The following CDON variants were observed in gnomAD, a reference collection of about 807,000 sequenced individuals.
CDON encodes the protein cell adhesion associated, oncogene regulated.
A neutral mutation model predicts 120.9 loss-of-function variants in CDON; 73 were observed. The observed-to-expected ratio is 0.60, with a 90% CI of 0.50 to 0.73. CDON has a LOEUF of 0.73. Among genes scored for constraint, CDON ranks in the 30% least tolerant of loss-of-function variants. The probability of loss-of-function intolerance (pLI) is 0.00; values close to 1 mark genes in which losing one functional copy is unlikely to be tolerated. For missense variants in CDON, 1,470 were observed against 1,587.3 expected, an observed-to-expected ratio of 0.93 and a Z score of 1.26; for synonymous variants, 566 against 573.5, an observed-to-expected ratio of 0.99 and a Z score of 0.19.
intron 11 of CDON, among the ~76,000 whole-genome samples, chr11:126,000,618 T>C (rs1946915457): frequency 1.5e-5 from 1 of 66,490 alleles, no homozygotes; most frequent in Non-Finnish European, 3.3e-5. Flanking sequence ...TGGTAAGGTT[T>C]TTTTCAGACA....
chr11:125,984,605 G>A (rs1469124094), intron 15 of CDON, among the ~76,000 whole-genome samples: 3 of 151,932 alleles, frequency 2.0e-5, no homozygotes, highest in Non-Finnish European at 4.4e-5. Flanking sequence ...GCTGAGGCAG[G>A]AGAATTGCTT....
intron 18 of CDON, among the ~76,000 whole-genome samples, chr11:125,972,902 G>A (rs1388558425): frequency 2.9e-5 from 1 of 34,200 alleles, no homozygotes; most frequent in African/African-American, 8.5e-5. Flanking sequence ...GAAGTATACT[G>A]TGGGGCAGCT....
chr11:126,006,119 G>T, intron 8 of CDON, 62 bp from the exon 9 acceptor site: 1 of 1,505,488 alleles, frequency 6.6e-7, no homozygotes, highest in East Asian at 2.3e-5. Flanking sequence ...CTTCTACCCA[G>T]TTTGTGACGT....
intron 13 of CDON, 40 bp from the exon 14 acceptor site, chr11:125,994,429 A>G (rs552408478): frequency 3.6e-6 from 4 of 1,098,942 alleles, no homozygotes; most frequent in African/African-American, 1.5e-5. Context: ...GAGAAAAATT[A>G]ATGTAACCTT....
intron 18 of CDON, among the ~76,000 whole-genome samples, chr11:125,969,210 C>T (rs1235359106): frequency 1.3e-5 from 2 of 152,196 alleles, no homozygotes; most frequent in Non-Finnish European, 2.9e-5. Context: ...GTTGGTCAGG[C>T]TGGTCTTGAA....
chr11:126,017,329 C>T lies in CDON; in HGVS notation c.687G>A (p.Gln229=), dbSNP rs1447675263. 4 of 1,614,018 alleles carry T rather than the reference C, an allele frequency of 2.5e-6. No individual in the cohort carries two copies. The highest frequency in any genetic ancestry group is 3.4e-6 in the Non-Finnish European group (4 of 1,180,018). Residue 229 remains glutamine (Q), a synonymous_variant, in exon 6 of 20, where the codon CAG becomes CAA. Transcript: ENST00000531738. ...DVHILHPTHS[Q]ALAVLSRSPV... ...GGCTACGAGAAAGAACAGCTAATGC[C>T]TGTGAATGGGTGGGGTGAAGAATGT... is the stretch of plus-strand genomic sequence containing the variant.
At chr11:126,038,545 G>T (rs984826171) in intron 1 of CDON, among the ~76,000 whole-genome samples, 1 of 151,826 alleles carries the variant, frequency 6.6e-6, no homozygotes, top group Non-Finnish European at 1.5e-5. Context: ...CCAGCTACTC[G>T]GGACGCTGAG....
intron 1 of CDON, among the ~76,000 whole-genome samples, chr11:126,055,253 G>A (rs551235339): frequency 6.6e-6 from 1 of 152,210 alleles, no homozygotes; most frequent in South Asian, 2.1e-4. Context: ...CTCTCCCAAA[G>A]TTTGAGGAGG....
intron 14 of CDON, among the ~76,000 whole-genome samples, chr11:125,993,671 G>A (rs1468272618): frequency 6.6e-6 from 1 of 152,202 alleles, no homozygotes. Context: ...AAACGTCTCA[G>A]TGCACACAAG....
intron 14 of CDON, among the ~76,000 whole-genome samples, chr11:125,993,366 GTC>G (rs1057140856): frequency 6.9e-6 from 1 of 145,388 alleles, no homozygotes; most frequent in Non-Finnish European, 1.5e-5. Context: ...CACAGTCTCT[GTC>G]TCTCACACAC....
chr11:125,965,099 TG>T (rs1225110879), intron 18 of CDON, among the ~76,000 whole-genome samples: 1 of 152,084 alleles, frequency 6.6e-6, no homozygotes, highest in Non-Finnish European at 1.5e-5. Flanking sequence ...GCTAATTTTT[TG>T]TGTGTATTTT....
Position 125,961,840 on chromosome 11 carries a change from G to A in CDON, c.3515C>T (p.Pro1172Leu), listed in dbSNP as rs370469702. 3.2e-5 allele frequency: 52 copies of A among 1,614,012 alleles called. No homozygotes were observed. Among genetic ancestry groups the A allele is most frequent in the African/African-American group, 2.5e-4 (19 of 74,886 alleles). Residue 1172 changes from proline to leucine, a missense_variant, in exon 19 of 20, where the codon CCG becomes CTG. Pro to Leu is a moderately conservative substitution (Grantham distance 98). Transcript: ENST00000531738. ...TSAVPDCGQL[P>L]EESVKDNVEP... ...CACATTGTCCTTGACGCTCTCCTCC[G>A]GCAACTGGCCACAATCAGGGACTGC... is the stretch of plus-strand genomic sequence containing the variant.
intron 11 of CDON, among the ~76,000 whole-genome samples, chr11:126,001,371 GTAGAGACAGGGTCTCCC>G (rs1419516128): frequency 1.3e-5 from 2 of 151,838 alleles, no homozygotes; most frequent in African/African-American, 4.8e-5. Context: ...TGAATTTTTA[GTAGAGACAGGGTCTCCC>G]CCTCTGTTGC....
chr11:126,055,076 C>T (rs1948651506), intron 1 of CDON, among the ~76,000 whole-genome samples: 2 of 152,140 alleles, frequency 1.3e-5, no homozygotes, highest in Non-Finnish European at 2.9e-5. Flanking sequence ...GTCACGTGAT[C>T]ACATATTTAC....
chr11:125,990,037 G>C (rs1946588916), intron 14 of CDON, among the ~76,000 whole-genome samples: 1 of 152,108 alleles, frequency 6.6e-6, no homozygotes, highest in Non-Finnish European at 1.5e-5. Flanking sequence ...AAAATAATTA[G>C]TGGGAGTCTT....
chr11:125,980,913 C>CAAAGACTACT lies in CDON; in HGVS notation c.3276+135_3276+136insAGTAGTCTTT, dbSNP rs1413300276. 3 of 811,498 alleles carry CAAAGACTACT rather than the reference C, an allele frequency of 3.7e-6. No homozygotes were observed. The African/African-American group carries it at 5.1e-5, about 14-fold the overall frequency. 50.3% of individuals were successfully genotyped at this position (811,498 alleles called of 1,614,324 possible). ...AAGACTACTCTGGATCAAAGGGCTGCCAGTGATCCATGCTGTTTCCATTCG... is the reference window on the plus strand; with the variant it reads ...AAGACTACTCTGGATCAAAGGGCTGCAAAGACTACTCAGTGATCCATGCTGTTTCCATTCG... On this transcript the variant is annotated intron_variant, in intron 17 of 19. Coordinates refer to ENST00000531738, the MANE Select transcript of CDON (RefSeq NM_001378964.1).
intron 19 of CDON, 142 bp from the exon 20 acceptor site, chr11:125,961,247 T>A: frequency 1.3e-6 from 1 of 785,466 alleles, no homozygotes; most frequent in Non-Finnish European, 2.2e-6. Flanking sequence ...TGGTTTGAAT[T>A]TGAGGGCGAC....
intron 1 of CDON, among the ~76,000 whole-genome samples, chr11:126,024,354 C>T (rs931909878): frequency 1.3e-5 from 2 of 152,248 alleles, no homozygotes; most frequent in South Asian, 2.1e-4. Flanking sequence ...GTAATCACCC[C>T]GGAGACAGAT....
intron 1 of CDON, among the ~76,000 whole-genome samples, chr11:126,023,777 C>T (rs1947705766): frequency 6.6e-6 from 1 of 152,240 alleles, no homozygotes; most frequent in Non-Finnish European, 1.5e-5. Flanking sequence ...ACTAATCACT[C>T]TGAATGAATA....
Sources: gnomAD v4.1 joint callset for allele counts (sites outside exome capture counted in the v4.1 genomes callset) on GRCh38, gnomAD v4.1.1 for gene constraint, MANE v1.5 for transcripts, NCBI Gene and HGNC (gene_info 2026-07-23, HGNC 2026-07-21) for gene names.